Variants in LRRFIP1 observed in about 807,000 individuals in gnomAD.
LRRFIP1 encodes leucine-rich repeat flightless-interacting protein 1.
LRRFIP1 carries 62 observed loss-of-function variants against 104.4 expected under a neutral mutation model. That is an observed-to-expected ratio of 0.59 (90% CI 0.48 to 0.73). The LOEUF is 0.73. Ranked by LOEUF, LRRFIP1 falls within the 30% of genes least tolerant of loss-of-function variation. The pLI is 0.00. For synonymous variants in LRRFIP1, 300 were observed against 299.0 expected (o/e 1.00, Z -0.03); for missense variants, 796 against 824.5 (o/e 0.97, Z 0.42).
intron 22 of LRRFIP1, 91 bp downstream of exon 22, chr2:237,773,036 C>T (rs949280872): frequency 2.0e-5 from 21 of 1,071,790 alleles, no homozygotes; most frequent in Middle Eastern, 4.1e-4. Flanking sequence ...CAGAAAAAGC[C>T]GAGATTTTTA....
Position 237,735,062 on chromosome 2 carries a change from C to T in LRRFIP1, c.490-206C>T, listed in dbSNP as rs998633942. On this transcript the variant is annotated intron_variant, in intron 9 of 23. Transcript: ENST00000308482. The surrounding 1 kb of genome is among the most constrained non-coding windows in gnomAD (Gnocchi z 4.6). Reference sequence around the variant, plus strand: ...GATTACATTGCACACCTCCTGACAACGACTAAAACCGGTCTCTCCTCATTT... The same window carrying T: ...GATTACATTGCACACCTCCTGACAATGACTAAAACCGGTCTCTCCTCATTT... 1.3e-5 allele frequency among the ~76,000 whole-genome samples: 2 copies of T among 152,176 alleles called. No homozygotes were observed. Among genetic ancestry groups the T allele is most frequent in the South Asian group, 4.1e-4 (2 of 4,826 alleles).
chr2:237,726,629 ATTAC>A (rs2094762728), intron 7 of LRRFIP1, among the ~76,000 whole-genome samples: 1 of 152,226 alleles, frequency 6.6e-6, no homozygotes. Context: ...GCATTAAATA[ATTAC>A]TTAAGGTCAC....
rs149922484 is a variant in LRRFIP1, at chr2:237,763,692, G to A, written c.1459+3487G>A. The A allele has an allele frequency of 5.0e-5, 80 of 1,614,208 alleles. No homozygotes were observed. The Admixed American group carries it at 7.8e-4, about 16-fold the overall frequency. On this transcript the variant is annotated intron_variant, in intron 19 of 23. Transcript: ENST00000308482. ...TTGGATGGAAAACTTGACCAAGAAG[G>A]TGATGATGTACAAACAGCAGCTGAG...
Position 237,711,577 on chromosome 2 carries a change from C to G in LRRFIP1, c.184-2682C>G, listed in dbSNP as rs572949714. Among the ~76,000 whole-genome samples, 7 of 152,346 alleles carry G rather than the reference C, an allele frequency of 4.6e-5. No individual in the cohort carries two copies. The highest frequency in any genetic ancestry group is 3.4e-3 in the Middle Eastern group (1 of 294). ...ACCGATGCCTGCACTTCTTCCCTCA[C>G]GACCGTGGCTTGCGGCTGTGACACA... On this transcript the variant is annotated intron_variant, in intron 2 of 23. Coordinates refer to ENST00000308482, the MANE Select transcript of LRRFIP1 (RefSeq NM_001137550.2). The surrounding 1 kb of genome is among the most constrained non-coding windows in gnomAD (Gnocchi z 4.4).
At chr2:237,774,067 A>C in intron 22 of LRRFIP1, 1 of 358,428 alleles carries the variant, frequency 2.8e-6, no homozygotes, top group Non-Finnish European at 5.2e-6. Flanking sequence ...GAACAGCCCC[A>C]CGCAGCGGGA....
chr2:237,664,302 G>A (rs1364895187), intron 1 of LRRFIP1, among the ~76,000 whole-genome samples: 1 of 152,266 alleles, frequency 6.6e-6, no homozygotes, highest in Non-Finnish European at 1.5e-5. Context: ...TCTCCACTGC[G>A]TTTCCATCCG....
At chr2:237,718,651 C>T (rs879345750) in intron 4 of LRRFIP1, among the ~76,000 whole-genome samples, 4 of 152,182 alleles carry the variant, frequency 2.6e-5, no homozygotes, top group Admixed American at 6.5e-5. Context: ...TCATCACATG[C>T]TTTTAGCATT....
In LRRFIP1 at chr2:237,691,136, T is replaced by A. The variant is rs2092727181; in HGVS notation, c.97-17408T>A. On this transcript the variant is annotated intron_variant, in intron 1 of 23. Transcript: ENST00000308482. The surrounding 1 kb of genome is among the most constrained non-coding windows in gnomAD (Gnocchi z 5.4). ...GGGTCAGCGTGCAGAGAAAAGGGAA[T>A]TGGGAATTGGAGGGCTGTAAAATGT... 6.6e-6 allele frequency among the ~76,000 whole-genome samples: 1 copy of A among 151,770 alleles called. No homozygotes were observed. Among genetic ancestry groups the A allele is most frequent in the South Asian group, 2.1e-4 (1 of 4,830 alleles).
intron 19 of LRRFIP1, chr2:237,768,682 CATT>C (rs2060388965): frequency 6.6e-6 from 1 of 152,158 alleles, no homozygotes; most frequent in South Asian, 2.1e-4. Context: ...TTGTGCTTAA[CATT>C]ATCTGGTGTT....
chr2:237,680,284 G>A (rs1250405816), intron 1 of LRRFIP1, among the ~76,000 whole-genome samples: 1 of 152,214 alleles, frequency 6.6e-6, no homozygotes, highest in Non-Finnish European at 1.5e-5. Flanking sequence ...TTGAGGCCAG[G>A]AGTTCAAGAC....
In LRRFIP1 at chr2:237,735,663, A is replaced by G. The variant is rs1409434629; in HGVS notation, c.555+330A>G. 3.6e-6 allele frequency: 1 copy of G among 274,678 alleles called. No homozygotes were observed. Among genetic ancestry groups the G allele is most frequent in the Non-Finnish European group, 6.9e-6 (1 of 144,774 alleles). The allele number at this position is 274,678 out of a possible 1,614,324, so 17.0% of individuals were successfully genotyped here. A position where few individuals can be genotyped will look rare whatever the true frequency, so the allele number is the denominator to read the frequency against. ...CGGGAAAAGGACAACTTGACAGACCACACATCATTCTCGTCCCTGGATAGT... is the reference window on the plus strand; with the variant it reads ...CGGGAAAAGGACAACTTGACAGACCGCACATCATTCTCGTCCCTGGATAGT... On this transcript the variant is annotated intron_variant, in intron 10 of 23. Transcript: ENST00000308482. This position sits in a 1 kb window ranked among gnomAD's most constrained non-coding sequence, Gnocchi z 4.6.
rs1575516988 is a variant in LRRFIP1, at chr2:237,691,774, G to A, written c.97-16770G>A. On this transcript the variant is annotated intron_variant, in intron 1 of 23. Coordinates refer to ENST00000308482, the MANE Select transcript of LRRFIP1 (RefSeq NM_001137550.2). The surrounding 1 kb of genome is among the most constrained non-coding windows in gnomAD (Gnocchi z 5.4). The stretch of plus-strand genomic sequence containing the variant: ...AGCGCCCGCTTCCCACGGCCCCTGC[G>A]GGTGGAGCTGCGGCCGGAGCCTGAG... Among the ~76,000 whole-genome samples, 1 of 152,180 alleles carries A rather than the reference G, an allele frequency of 6.6e-6. No homozygotes were observed. Among genetic ancestry groups the A allele is most frequent in the Admixed American group, 6.5e-5 (1 of 15,286 alleles).
At position 237,762,477 on chromosome 2, in the gene LRRFIP1, A is replaced by G. The variant is rs1419919000; in HGVS notation, c.1459+2272A>G. 5 of 779,936 alleles carry G rather than the reference A, an allele frequency of 6.4e-6. No homozygotes were observed. In the African/African-American group the frequency reaches 7.0e-5, roughly 11 times the overall value. The allele number at this position is 779,936 out of a possible 1,614,324, so 48.3% of individuals were successfully genotyped here. A position where few individuals can be genotyped will look rare whatever the true frequency, so the allele number is the denominator to read the frequency against. ...AACTGGCAAAGGCTTGTTTCTCATG[A>G]CTCTTTGATGACTCTGTCTTTAGGA... On this transcript the variant is annotated intron_variant, in intron 19 of 23. Coordinates refer to ENST00000308482, the MANE Select transcript of LRRFIP1 (RefSeq NM_001137550.2).
At chr2:237,635,739 C>T (rs770310840) in intron 1 of LRRFIP1, among the ~76,000 whole-genome samples, 10 of 151,928 alleles carry the variant, frequency 6.6e-5, no homozygotes, top group South Asian at 2.1e-4. Flanking sequence ...GCAGGAGCAT[C>T]GCTTAAGCCC....
Position 237,763,118 on chromosome 2 carries a change from G to T in LRRFIP1, c.1459+2913G>T, listed in dbSNP as rs756687536. ...CCCCCAAGAGTTAGAGACAAGCACA[G>T]GGCATAGTTTAGAGAAAGAATTCAC... On this transcript the variant is annotated intron_variant, in intron 19 of 23. Transcript: ENST00000308482. 7 of 1,614,122 alleles carry T rather than the reference G, an allele frequency of 4.3e-6. No individual in the cohort carries two copies. In the East Asian group the frequency reaches 1.3e-4, roughly 31 times the overall value.
intron 8 of LRRFIP1, 91 bp from the exon 9 acceptor site, chr2:237,733,683 G>A: frequency 7.7e-7 from 1 of 1,296,504 alleles, no homozygotes; most frequent in Non-Finnish European, 1.1e-6. Flanking sequence ...TGGCTATGGT[G>A]AATGCTGAAA....
intron 19 of LRRFIP1, among the ~76,000 whole-genome samples, chr2:237,767,184 AGAAAG>A (rs1262351378): frequency 2.6e-5 from 4 of 152,008 alleles, no homozygotes. Flanking sequence ...TCAAAAAAAA[AGAAAG>A]AAAAGAAAAA....
chr2:237,743,778 G>T (rs2057435626), intron 11 of LRRFIP1, among the ~76,000 whole-genome samples: 1 of 152,144 alleles, frequency 6.6e-6, no homozygotes, highest in Non-Finnish European at 1.5e-5. Flanking sequence ...AGGCAAAGGT[G>T]CCTCGAGAGA....
chr2:237,731,044 G>C (rs2094981730), intron 8 of LRRFIP1, among the ~76,000 whole-genome samples: 1 of 152,254 alleles, frequency 6.6e-6, no homozygotes, highest in East Asian at 1.9e-4. Flanking sequence ...AGGCCGCGCA[G>C]AATGGGCAGA....
Sources: allele counts gnomAD v4.1 joint callset (sites outside exome capture counted in the v4.1 genomes callset), GRCh38; gene constraint gnomAD v4.1.1; non-coding constraint Gnocchi (gnomAD v3.1); transcripts MANE v1.5; gene names NCBI Gene and HGNC (gene_info 2026-07-23, HGNC 2026-07-21).